Variants in TRAPPC9 observed in about 807,000 individuals in gnomAD.
TRAPPC9 encodes the protein IKK2 binding protein.
A neutral mutation model predicts 124.0 loss-of-function variants in TRAPPC9; 83 were observed. The ratio of observed to expected loss-of-function variants is 0.67; its 90% CI spans 0.56 to 0.80. The LOEUF is 0.80. TRAPPC9 is among the 30% of genes least tolerant of loss of function. The pLI is 0.00. For synonymous variants in TRAPPC9, 638 were observed against 617.5 expected, an observed-to-expected ratio of 1.03 and a Z score of -0.49; for missense variants, 1,302 against 1,508.3, an observed-to-expected ratio of 0.86 and a Z score of 2.27.
chr8:140,434,035 C>T (rs1055917447), intron 4 of TRAPPC9, among the ~76,000 whole-genome samples: 1 of 152,196 alleles, frequency 6.6e-6, no homozygotes, highest in Non-Finnish European at 1.5e-5. Context: ...TCACCTTAGC[C>T]TCTGAGTGGC....
At chr8:140,080,253 A>C (rs1563745125) in intron 17 of TRAPPC9, among the ~76,000 whole-genome samples, 1 of 152,234 alleles carries the variant, frequency 6.6e-6, no homozygotes. Flanking sequence ...GAAATTGAGA[A>C]CCACATGAGT....
chr8:139,804,878 C>A (rs1432973752), intron 21 of TRAPPC9, among the ~76,000 whole-genome samples: 6 of 152,210 alleles, frequency 3.9e-5, no homozygotes, highest in African/African-American at 1.4e-4. Flanking sequence ...CCCATGAGGA[C>A]CCCTGTATGG....
At position 139,907,578 on chromosome 8, in the gene TRAPPC9, A is replaced by C; in HGVS notation, c.2964+2569T>G. On this transcript the variant is annotated intron_variant, in intron 20 of 22. Transcript: ENST00000438773. This position sits in a 1 kb window ranked among gnomAD's most constrained non-coding sequence, Gnocchi z 4.7. ...GATGGAGGCAGAGAGGGAGGGAGGG[A>C]GGGAGGGAGGGATGATGTCCTTAAT... Among the ~76,000 whole-genome samples the C allele has an allele frequency of 4.5e-5, 1 of 22,228 alleles. No individual in the cohort carries two copies. Among genetic ancestry groups the C allele is most frequent in the East Asian group, 1.2e-3 (1 of 850 alleles). 14.6% of individuals were successfully genotyped at this position (22,228 alleles called of 152,430 possible). A position where few individuals can be genotyped will look rare whatever the true frequency, so the allele number is the denominator to read the frequency against.
At chr8:140,393,191 C>T (rs1250736918) in intron 7 of TRAPPC9, among the ~76,000 whole-genome samples, 1 of 152,092 alleles carries the variant, frequency 6.6e-6, no homozygotes, top group Non-Finnish European at 1.5e-5. Context: ...CCTCCCTCAG[C>T]CTCCCGAGTA....
intron 12 of TRAPPC9, among the ~76,000 whole-genome samples, chr8:140,288,704 G>GA (rs1316998286): frequency 6.6e-6 from 1 of 151,570 alleles, no homozygotes; most frequent in Admixed American, 6.6e-5. Context: ...GACAGAGTCA[G>GA]AAAAAAAAGG....
chr8:140,214,128 C>T (rs979260421), intron 17 of TRAPPC9, among the ~76,000 whole-genome samples: 1 of 152,230 alleles, frequency 6.6e-6, no homozygotes, highest in Non-Finnish European at 1.5e-5. Flanking sequence ...CTCCTGTTGC[C>T]GGGCATTTCT....
At chr8:139,755,743 C>G (rs1335917408) in intron 21 of TRAPPC9, among the ~76,000 whole-genome samples, 1 of 134,942 alleles carries the variant, frequency 7.4e-6, no homozygotes, top group African/African-American at 2.9e-5. Flanking sequence ...GGGATGAGGA[C>G]AGCAGGTCGC....
intron 9 of TRAPPC9, among the ~76,000 whole-genome samples, chr8:140,329,980 G>A (rs7015250): frequency 0.016 from 2,415 of 152,228 alleles, 69 homozygotes; most frequent in African/African-American, 0.056. Flanking sequence ...TCAGGAGGCT[G>A]AGGCAGGAGA....
At chr8:139,944,707 T>C (rs1047687505) in intron 19 of TRAPPC9, among the ~76,000 whole-genome samples, 1 of 152,092 alleles carries the variant, frequency 6.6e-6, no homozygotes, top group African/African-American at 2.4e-5. Context: ...AACAAATGAA[T>C]AAAAAGCAGT....
intron 2 of TRAPPC9, among the ~76,000 whole-genome samples, chr8:140,448,757 C>A (rs1440679688): frequency 6.6e-6 from 1 of 152,088 alleles, no homozygotes; most frequent in African/African-American, 2.4e-5. Flanking sequence ...GCTGGCTGGA[C>A]AGCAGTGTGC....
chr8:140,045,631 GAAAAAAAAAAAAAA>G lies in TRAPPC9; in HGVS notation c.2557-21566_2557-21553del, dbSNP rs57243402. On this transcript the variant is annotated intron_variant, in intron 17 of 22. Coordinates refer to ENST00000438773, the MANE Select transcript of TRAPPC9 (RefSeq NM_001160372.4). ...GACAGAGCAAGACTCCATCTCGGCA[GAAAAAAAAAAAAAA>G]AAAAAAAAAAAAAACCAAGTCAGGT... Among the ~76,000 whole-genome samples the G allele has an allele frequency of 9.9e-4, 33 of 33,268 alleles. 1 individual carries two copies. The highest frequency in any genetic ancestry group is 9.4e-3 in the East Asian group (6 of 638). The allele number at this position is 33,268 out of a possible 152,430, so 21.8% of individuals were successfully genotyped here.
At chr8:140,244,520 G>A (rs1354019725) in intron 16 of TRAPPC9, among the ~76,000 whole-genome samples, 1 of 152,146 alleles carries the variant, frequency 6.6e-6, no homozygotes, top group African/African-American at 2.4e-5. Flanking sequence ...ACCAAAGCAG[G>A]TGATGCTTTC....
chr8:140,351,072 C>A (rs2067554930), intron 9 of TRAPPC9, among the ~76,000 whole-genome samples: 1 of 151,406 alleles, frequency 6.6e-6, no homozygotes, highest in African/African-American at 2.4e-5. Context: ...ATCCAAGGTG[C>A]AGAGGGGAGA....
chr8:140,237,033 T>C (rs1205163313), intron 16 of TRAPPC9, among the ~76,000 whole-genome samples: 3 of 151,774 alleles, frequency 2.0e-5, no homozygotes. Flanking sequence ...ATAAAAAAAT[T>C]AGCTGAGCGT....
chr8:139,758,501 C>A (rs1820006745), intron 21 of TRAPPC9, among the ~76,000 whole-genome samples: 1 of 152,190 alleles, frequency 6.6e-6, no homozygotes, highest in African/African-American at 2.4e-5. Context: ...AGGCCTGGTG[C>A]CCTTCTGCCT....
intron 18 of TRAPPC9, among the ~76,000 whole-genome samples, chr8:140,015,675 G>A (rs1343160258): frequency 2.0e-5 from 3 of 152,104 alleles, no homozygotes; most frequent in African/African-American, 4.8e-5. Context: ...AGGCACGGTG[G>A]CTCATGCCTG....
chr8:139,984,959 G>T lies in TRAPPC9; in HGVS notation c.2810+3767C>A, dbSNP rs1039013478. Among the ~76,000 whole-genome samples, 4 of 152,180 alleles carry T rather than the reference G, an allele frequency of 2.6e-5. No homozygotes were observed. The highest frequency in any genetic ancestry group is 5.9e-5 in the Non-Finnish European group (4 of 68,046). On this transcript the variant is annotated intron_variant, in intron 19 of 22. Transcript: ENST00000438773. This position sits in a 1 kb window ranked among gnomAD's most constrained non-coding sequence, Gnocchi z 4.3. Reference sequence around the variant, plus strand: ...GCCGCTCTGGCTGGGTTAGACACTTGTCCCAATGTGTTGCCAATCCCCAGC... The same window carrying T: ...GCCGCTCTGGCTGGGTTAGACACTTTTCCCAATGTGTTGCCAATCCCCAGC...
intron 21 of TRAPPC9, among the ~76,000 whole-genome samples, chr8:139,868,584 G>C (rs1828696543): frequency 6.6e-6 from 1 of 152,190 alleles, no homozygotes; most frequent in Admixed American, 6.5e-5. Context: ...GGAAAAACGT[G>C]AATTTTGAAA....
intron 6 of TRAPPC9, among the ~76,000 whole-genome samples, chr8:140,404,162 G>A (rs1348228049): frequency 6.6e-6 from 1 of 152,192 alleles, no homozygotes; most frequent in East Asian, 1.9e-4. Flanking sequence ...TCTATCAGAG[G>A]AGGAATTTGG....
Sources: gnomAD v4.1 joint callset for allele counts (sites outside exome capture counted in the v4.1 genomes callset) on GRCh38, gnomAD v4.1.1 for gene constraint, Gnocchi (gnomAD v3.1) non-coding constraint, MANE v1.5 for transcripts, NCBI Gene and HGNC (gene_info 2026-07-23, HGNC 2026-07-21) for gene names.